The following CNTN3 variants were observed in gnomAD, a reference collection of about 807,000 sequenced individuals.
CNTN3 encodes contactin-3.
CNTN3 carries 60 observed loss-of-function variants against 119.1 expected under a neutral mutation model. The observed-to-expected ratio is 0.50, with a 90% CI of 0.41 to 0.62. The LOEUF (loss-of-function observed/expected upper bound fraction) is 0.62. Ranked by LOEUF, CNTN3 falls within the 20% of genes least tolerant of loss-of-function variation. The probability of loss-of-function intolerance (pLI) is 0.00; values close to 1 mark genes in which losing one functional copy is unlikely to be tolerated. For synonymous variants in CNTN3, 450 were observed against 438.7 expected, an observed-to-expected ratio of 1.03 and a Z score of -0.32; for missense variants, 1,101 against 1,242.4, an observed-to-expected ratio of 0.89 and a Z score of 1.71.
intron 1 of CNTN3, among the ~76,000 whole-genome samples, chr3:74,526,278 G>C (rs1014230791): frequency 1.8e-4 from 28 of 151,606 alleles, no homozygotes; most frequent in Middle Eastern, 3.2e-3. Context: ...ATTATTAGTG[G>C]ATAAAAGTTT....
At chr3:74,290,058 C>T in intron 19 of CNTN3, among the ~76,000 whole-genome samples, 1 of 152,234 alleles carries the variant, frequency 6.6e-6, no homozygotes, top group East Asian at 1.9e-4. Flanking sequence ...TATAAAATAT[C>T]CTTATCTGGA....
chr3:74,268,677 A>C (rs1701709585), intron 20 of CNTN3, among the ~76,000 whole-genome samples: 1 of 152,004 alleles, frequency 6.6e-6, no homozygotes, highest in African/African-American at 2.4e-5. Context: ...TAATAACAAC[A>C]AAAAAATTAT....
intron 11 of CNTN3, among the ~76,000 whole-genome samples, chr3:74,354,691 A>G (rs1337257023): frequency 6.6e-6 from 1 of 152,108 alleles, no homozygotes; most frequent in Non-Finnish European, 1.5e-5. Context: ...CCAATATTGG[A>G]CTGTATAATA....
chr3:74,336,215 C>T (rs181789818), intron 12 of CNTN3, among the ~76,000 whole-genome samples: 6 of 151,848 alleles, frequency 4.0e-5, no homozygotes, highest in Middle Eastern at 6.8e-3. Flanking sequence ...ATGAAAAAAA[C>T]AAAGTGTATC....
chr3:74,280,186 TA>T (rs553629299), intron 20 of CNTN3, among the ~76,000 whole-genome samples: 16 of 151,004 alleles, frequency 1.1e-4, no homozygotes, highest in African/African-American at 2.9e-4. Context: ...AAAGTTGAAT[TA>T]AAAAAAAAGC....
intron 13 of CNTN3, among the ~76,000 whole-genome samples, chr3:74,304,936 A>G (rs1702529099): frequency 1.3e-5 from 2 of 152,198 alleles, no homozygotes; most frequent in Non-Finnish European, 2.9e-5. Flanking sequence ...GTCTCCATTA[A>G]TAAAATATAT....
intron 4 of CNTN3, among the ~76,000 whole-genome samples, chr3:74,473,346 T>C (rs542782457): frequency 6.6e-6 from 1 of 152,332 alleles, no homozygotes; most frequent in South Asian, 2.1e-4. Flanking sequence ...TCAGAGATCA[T>C]TAACCAGTGA....
At chr3:74,576,518 A>G (rs1301290363) in intron 1 of CNTN3, among the ~76,000 whole-genome samples, 1 of 152,212 alleles carries the variant, frequency 6.6e-6, no homozygotes, top group African/African-American at 2.4e-5. Context: ...AAATTTCATA[A>G]ATCAATAAGA....
rs537831034 is a variant in CNTN3, at chr3:74,425,054, A to C, written c.359-114T>G. ...AATTTTAGTTTTTGCTTTTTTCTTT[A>C]AAAATTTTTATTTTTATTTACTTAG... On this transcript the variant is annotated intron_variant, in intron 4 of 22. Coordinates refer to ENST00000263665, the MANE Select transcript of CNTN3 (RefSeq NM_020872.3). 3.1e-5 allele frequency: 21 copies of C among 682,420 alleles called. No homozygotes were observed. In the African/African-American group the frequency reaches 3.6e-4, roughly 12 times the overall value. 42.3% of individuals were successfully genotyped at this position (682,420 alleles called of 1,614,324 possible).
Position 74,574,588 on chromosome 3 carries a change from G to A in CNTN3, c.-81+39803C>T, listed in dbSNP as rs74456835. ...CTCTCAATGGTAAAGCATGAACCAT[G>A]GAAGCACTACCCATGGAAGTCATGC... On this transcript the variant is annotated intron_variant, in intron 1 of 22. Coordinates refer to ENST00000263665, the MANE Select transcript of CNTN3 (RefSeq NM_020872.3). 9.5e-3 allele frequency among the ~76,000 whole-genome samples: 1,448 copies of A among 152,236 alleles called. 20 individuals carry two copies. Among genetic ancestry groups the A allele is most frequent in the Middle Eastern group, 0.054 (16 of 294 alleles).
chr3:74,369,868 A>G, intron 7 of CNTN3, 21 bp downstream of exon 7: 1 of 1,271,006 alleles, frequency 7.9e-7, no homozygotes, highest in Non-Finnish European at 1.1e-6. Flanking sequence ...AGCACATAGG[A>G]GTAAATGTTA....
chr3:74,535,045 T>C (rs1405010814), intron 1 of CNTN3, among the ~76,000 whole-genome samples: 2 of 152,050 alleles, frequency 1.3e-5, no homozygotes, highest in Non-Finnish European at 2.9e-5. Flanking sequence ...TGTCTGGAGA[T>C]AAAGTCTTAA....
In CNTN3 at chr3:74,418,349, T is replaced by TTTTTTTTTTTC. The variant is rs1410959079; in HGVS notation, c.454+6495_454+6496insGAAAAAAAAAA. Among the ~76,000 whole-genome samples the TTTTTTTTTTTC allele has an allele frequency of 4.1e-3, 582 of 140,492 alleles. 28 individuals are homozygous for TTTTTTTTTTTC. The highest frequency in any genetic ancestry group is 0.015 in the African/African-American group (562 of 37,276). The allele number at this position is 140,492 out of a possible 152,430, so 92.2% of individuals were successfully genotyped here. On this transcript the variant is annotated intron_variant, in intron 5 of 22. Transcript: ENST00000263665. ...ACTGCAGAAAACATATTCCTTTTTTTTTTTTTTTTTGAGTCAGAGTCTCAC... is the reference window on the plus strand; with the variant it reads ...ACTGCAGAAAACATATTCCTTTTTTTTTTTTTTTTTCTTTTTTTTTTGAGTCAGAGTCTCAC...
chr3:74,466,031 T>C (rs996579064), intron 4 of CNTN3, among the ~76,000 whole-genome samples: 1 of 152,152 alleles, frequency 6.6e-6, no homozygotes, highest in Non-Finnish European at 1.5e-5. Context: ...ATGCCAAAAA[T>C]TCCCTGTAGA....
At chr3:74,598,442 C>A (rs905181426) in intron 1 of CNTN3, among the ~76,000 whole-genome samples, 14 of 152,100 alleles carry the variant, frequency 9.2e-5, no homozygotes, top group Admixed American at 5.9e-4. Flanking sequence ...ACTCCAAACC[C>A]ACAAAGAATT....
At chr3:74,534,495 T>C (rs770978811) in intron 1 of CNTN3, among the ~76,000 whole-genome samples, 5 of 152,100 alleles carry the variant, frequency 3.3e-5, no homozygotes, top group African/African-American at 4.8e-5. Context: ...TTCCATTTTA[T>C]GTTAAGCTTC....
At chr3:74,456,974 C>T (rs1702281474) in intron 4 of CNTN3, among the ~76,000 whole-genome samples, 1 of 151,820 alleles carries the variant, frequency 6.6e-6, no homozygotes, top group Non-Finnish European at 1.5e-5. Context: ...ATTCAAACGG[C>T]CAATAAACAC....
intron 4 of CNTN3, among the ~76,000 whole-genome samples, chr3:74,432,202 T>C (rs2106911632): frequency 6.6e-6 from 1 of 152,220 alleles, no homozygotes; most frequent in East Asian, 1.9e-4. Context: ...ATGCAAAAGC[T>C]AAGAAGAAAC....
Position 74,514,564 on chromosome 3 carries a change from G to T in CNTN3, c.55+6494C>A, listed in dbSNP as rs118085853. 1.1e-4 allele frequency among the ~76,000 whole-genome samples: 17 copies of T among 152,040 alleles called. No individual in the cohort carries two copies. The East Asian group carries it at 3.1e-3, about 28-fold the overall frequency. ...ACGTGACACTGCTTTAAAATGATAA[G>T]AATAATACCATAAAAGATAAAATGA... On this transcript the variant is annotated intron_variant, in intron 2 of 22. Transcript: ENST00000263665.
Sources: allele counts gnomAD v4.1 joint callset (sites outside exome capture counted in the v4.1 genomes callset), GRCh38; gene constraint gnomAD v4.1.1; transcripts MANE v1.5; gene names NCBI Gene and HGNC (gene_info 2026-07-23, HGNC 2026-07-21).